The following UBAC2 variants were observed in gnomAD, a reference collection of about 807,000 sequenced individuals.
UBAC2 encodes ubiquitin-associated domain-containing protein 2.
Under a neutral mutation model 44.0 loss-of-function variants are expected in UBAC2, and 26 were observed. That is an observed-to-expected ratio of 0.59 (90% CI 0.43 to 0.82). The LOEUF is 0.82. Ranked by LOEUF, UBAC2 falls within the 40% of genes least tolerant of loss-of-function variation. The pLI is 0.00. For synonymous variants in UBAC2, 155 were observed against 154.3 expected (o/e 1.00, Z -0.04); for missense variants, 329 against 419.4 (o/e 0.78, Z 1.88).
intron 5 of UBAC2, among the ~76,000 whole-genome samples, chr13:99,315,750 T>C (rs2044480058): frequency 6.6e-6 from 1 of 152,184 alleles, no homozygotes; most frequent in African/African-American, 2.4e-5. Context: ...TATTAATTAA[T>C]AATTTATATC....
intron 1 of UBAC2, among the ~76,000 whole-genome samples, chr13:99,216,852 C>T (rs1331939903): frequency 2.5e-5 from 3 of 118,148 alleles, no homozygotes; most frequent in African/African-American, 3.5e-5. Flanking sequence ...TTTTTTGAGA[C>T]GAAGTCTTGC....
intron 1 of UBAC2, chr13:99,201,519 G>C: frequency 1.2e-6 from 2 of 1,614,226 alleles, no homozygotes; most frequent in Non-Finnish European, 1.7e-6. Flanking sequence ...GAGCGCAGCT[G>C]TGCTGCTGGA....
chr13:99,238,432 G>A lies in UBAC2; in HGVS notation c.37G>A (p.Ala13Thr). Residue 13 changes from alanine to threonine, a missense_variant, in exon 2 of 9, where the codon GCG (alanine) becomes ACG (threonine). Physicochemically the swap from Ala to Thr is moderately conservative, Grantham distance 58. Transcript: ENST00000403766. The part of the protein sequence containing the change: ...TSTGSSGLYK[A>T]PLSKSLLLVP... ...GCTTTCCTTTTTCCCTCCAGACAAG[G>A]CGCCTCTGTCGAAGAGCCTTCTGCT... The A allele has an allele frequency of 1.2e-6, 2 of 1,612,968 alleles. No homozygotes were observed.
chr13:99,209,745 G>C (rs78698370), intron 1 of UBAC2, among the ~76,000 whole-genome samples: 7 of 152,144 alleles, frequency 4.6e-5, no homozygotes, highest in African/African-American at 1.7e-4. Flanking sequence ...AGGCCAAGGC[G>C]GGTGGATCAT....
At chr13:99,354,072 G>GCAGAT (rs2138863290) in intron 7 of UBAC2, among the ~76,000 whole-genome samples, 1 of 152,384 alleles carries the variant, frequency 6.6e-6, no homozygotes, top group African/African-American at 2.4e-5. Context: ...GGGGATGCAG[G>GCAGAT]CAGATCGTGG....
At position 99,216,762 on chromosome 13, in the gene UBAC2, G is replaced by C. The variant is rs550585846; in HGVS notation, c.31+15823G>C. Among the ~76,000 whole-genome samples, 10 of 152,086 alleles carry C rather than the reference G, an allele frequency of 6.6e-5. No individual in the cohort carries two copies. In the East Asian group the frequency reaches 1.5e-3, roughly 23 times the overall value. On this transcript the variant is annotated intron_variant, in intron 1 of 8. Transcript: ENST00000403766. ...GAACGTGGACAGGTGTCCTGGGTCTGCTGTCTTAGACTGGAATTTTACCTG... is the reference window on the plus strand; with the variant it reads ...GAACGTGGACAGGTGTCCTGGGTCTCCTGTCTTAGACTGGAATTTTACCTG...
chr13:99,251,448 T>C (rs1332372591), intron 4 of UBAC2, among the ~76,000 whole-genome samples: 1 of 152,212 alleles, frequency 6.6e-6, no homozygotes, highest in East Asian at 1.9e-4. Context: ...TCATCCCTTC[T>C]TCTCTACTTC....
chr13:99,282,835 A>G (rs572928333), intron 4 of UBAC2, among the ~76,000 whole-genome samples: 1 of 152,366 alleles, frequency 6.6e-6, no homozygotes, highest in Middle Eastern at 3.4e-3. Context: ...CAAAATATAC[A>G]GCACACAAAA....
chr13:99,321,871 A>C (rs780090117), intron 6 of UBAC2, among the ~76,000 whole-genome samples: 2 of 152,238 alleles, frequency 1.3e-5, no homozygotes, highest in Non-Finnish European at 2.9e-5. Flanking sequence ...GTCAGACCTC[A>C]GTCCTATTTT....
chr13:99,338,410 G>A (rs2044834011), intron 6 of UBAC2, among the ~76,000 whole-genome samples: 1 of 152,128 alleles, frequency 6.6e-6, no homozygotes, highest in African/African-American at 2.4e-5. Context: ...ATTGAAAGCT[G>A]TCCTGGGCCA....
intron 2 of UBAC2, among the ~76,000 whole-genome samples, chr13:99,242,644 A>G (rs1594038064): frequency 1.3e-5 from 1 of 76,604 alleles, no homozygotes; most frequent in African/African-American, 5.2e-5. Flanking sequence ...TGACCCCCCC[A>G]CCTCCCTCCC....
At chr13:99,339,574 A>G (rs1323075630) in intron 6 of UBAC2, among the ~76,000 whole-genome samples, 1 of 152,152 alleles carries the variant, frequency 6.6e-6, no homozygotes, top group Non-Finnish European at 1.5e-5. Context: ...CTTTTCTCAT[A>G]TTAGAAAGTT....
intron 5 of UBAC2, among the ~76,000 whole-genome samples, chr13:99,315,004 C>A (rs1399905441): frequency 6.6e-6 from 1 of 152,162 alleles, no homozygotes. Flanking sequence ...CCTTATCCCA[C>A]GCACTCTAAC....
intron 1 of UBAC2, among the ~76,000 whole-genome samples, chr13:99,234,690 ATGG>A (rs2043214693): frequency 6.6e-6 from 1 of 152,106 alleles, no homozygotes; most frequent in Admixed American, 6.6e-5. Flanking sequence ...GTTCTTTCCC[ATGG>A]ATTAGCTCAG....
intron 7 of UBAC2, among the ~76,000 whole-genome samples, chr13:99,354,621 A>G (rs554109278): frequency 6.6e-6 from 1 of 151,824 alleles, no homozygotes; most frequent in East Asian, 1.9e-4. Context: ...TTTAGGTGGC[A>G]GGGACAGTTT....
At chr13:99,277,739 C>G (rs1055832129) in intron 4 of UBAC2, among the ~76,000 whole-genome samples, 1 of 152,178 alleles carries the variant, frequency 6.6e-6, no homozygotes, top group Admixed American at 6.5e-5. Context: ...TCACTGTGCT[C>G]TATTGTCTCA....
chr13:99,321,147 GA>G (rs2044562561), intron 6 of UBAC2, among the ~76,000 whole-genome samples: 1 of 152,120 alleles, frequency 6.6e-6, no homozygotes, highest in African/African-American at 2.4e-5. Context: ...TGGTTTTTAA[GA>G]AAAAGAGTAT....
At chr13:99,355,690 G>A (rs959045555) in intron 7 of UBAC2, among the ~76,000 whole-genome samples, 1 of 152,250 alleles carries the variant, frequency 6.6e-6, no homozygotes, top group African/African-American at 2.4e-5. Flanking sequence ...GAGGAGTGAT[G>A]GGTCAGTCAC....
intron 4 of UBAC2, among the ~76,000 whole-genome samples, chr13:99,275,321 T>C (rs1413025325): frequency 6.6e-6 from 1 of 152,154 alleles, no homozygotes; most frequent in Non-Finnish European, 1.5e-5. Context: ...CCTCCTGACA[T>C]AGCAGCTATT....
Sources: allele counts gnomAD v4.1 joint callset (sites outside exome capture counted in the v4.1 genomes callset), GRCh38; gene constraint gnomAD v4.1.1; transcripts MANE v1.5; gene names NCBI Gene and HGNC (gene_info 2026-07-23, HGNC 2026-07-21).